The following LRP4 variants were observed in gnomAD, a reference collection of about 807,000 sequenced individuals.
LRP4 encodes the protein LDL receptor related protein 4.
LRP4 carries 95 observed loss-of-function variants against 220.3 expected under a neutral mutation model. The ratio of observed to expected loss-of-function variants is 0.43; its 90% CI spans 0.37 to 0.51. LRP4 has a LOEUF of 0.51. LRP4 is among the 20% of genes least tolerant of loss of function. LRP4 has a pLI of 0.00. For missense variants in LRP4, 1,925 were observed against 2,567.0 expected (o/e 0.75, Z 5.40); for synonymous variants, 903 against 954.6 (o/e 0.95, Z 1.00).
intron 37 of LRP4, among the ~76,000 whole-genome samples, chr11:46,859,824 A>G (rs904060007): frequency 2.0e-5 from 3 of 152,226 alleles, no homozygotes; most frequent in Admixed American, 2.0e-4. Context: ...AATTGGCAAG[A>G]GCAATTAAAT....
rs370413044 is a variant in LRP4, at chr11:46,868,165, A to T, written c.4952-51T>A. 266 of 1,610,778 alleles carry T rather than the reference A, an allele frequency of 1.7e-4. No homozygotes were observed. In the African/African-American group the frequency reaches 2.8e-3, roughly 17 times the overall value. On this transcript the variant is annotated intron_variant, in intron 33 of 37. Coordinates refer to ENST00000378623, the MANE Select transcript of LRP4 (RefSeq NM_002334.4). ...GGCCACTGGAACCATAAACATCTACATATGGCCCAAGAGTAGCAGCTGGAG... is the reference window on the plus strand; with the variant it reads ...GGCCACTGGAACCATAAACATCTACTTATGGCCCAAGAGTAGCAGCTGGAG...
At chr11:46,884,083 G>A in intron 18 of LRP4, 107 bp from the exon 19 acceptor site, 1 of 825,554 alleles carries the variant, frequency 1.2e-6, no homozygotes, top group Non-Finnish European at 2.1e-6. Flanking sequence ...ACAGAGTAGG[G>A]GCTCAAAAGA....
intron 34 of LRP4, among the ~76,000 whole-genome samples, chr11:46,867,535 C>T (rs1940736818): frequency 1.3e-5 from 2 of 152,186 alleles, no homozygotes; most frequent in African/African-American, 4.8e-5. Context: ...GATCTCGGCT[C>T]ACCGCAACCT....
Position 46,858,688 on chromosome 11 carries a change from T to A in LRP4, c.*295A>T. 1 of 436,036 alleles carries A rather than the reference T, an allele frequency of 2.3e-6. No individual in the cohort carries two copies. Among genetic ancestry groups the A allele is most frequent in the South Asian group, 2.1e-5 (1 of 48,536 alleles). The allele number at this position is 436,036 out of a possible 1,614,324, so 27.0% of individuals were successfully genotyped here. A position where few individuals can be genotyped will look rare whatever the true frequency, so the allele number is the denominator to read the frequency against. On this transcript the variant is annotated 3_prime_UTR_variant, in exon 38 of 38. Transcript: ENST00000378623. ...ACTGGGGAAAGGGGAGGTGGAGCTCTACGCTGGTGAGGAATCACGAATAAG... is the reference window on the plus strand; with the variant it reads ...ACTGGGGAAAGGGGAGGTGGAGCTCAACGCTGGTGAGGAATCACGAATAAG...
rs183371999 is a variant in LRP4 at position 46,912,262 on chromosome 11, C to T, written c.52+6066G>A. Among the ~76,000 whole-genome samples the T allele has an allele frequency of 6.6e-5, 10 of 152,306 alleles. 1 individual carries two copies. The East Asian group carries it at 1.9e-3, about 29-fold the overall frequency. The stretch of plus-strand genomic sequence containing the variant: ...ACAGTACCAGGGACACAGCAAAGCT[C>T]TCAAAAATGCTAACTGCTCCAGAAA... On this transcript the variant is annotated intron_variant, in intron 1 of 37. Transcript: ENST00000378623.
At chr11:46,892,569 CT>C (rs11292441) in intron 13 of LRP4, among the ~76,000 whole-genome samples, 85,219 of 123,628 alleles carry the variant, frequency 0.69, 29,434 homozygotes, top group Middle Eastern at 0.78. Flanking sequence ...TAACATCATA[CT>C]TTTTTTTTTT....
chr11:46,908,166 A>G (rs1258799739), intron 1 of LRP4, among the ~76,000 whole-genome samples: 2 of 152,038 alleles, frequency 1.3e-5, no homozygotes, highest in Non-Finnish European at 2.9e-5. Context: ...TCCTGACCTC[A>G]TGATCCGCCC....
At position 46,890,543 on chromosome 11, in the gene LRP4, G is replaced by C; in HGVS notation, c.1698-49C>G. On this transcript the variant is annotated intron_variant, in intron 13 of 37. Coordinates refer to ENST00000378623, the MANE Select transcript of LRP4 (RefSeq NM_002334.4). The surrounding 1 kb of genome is among the most constrained non-coding windows in gnomAD (Gnocchi z 5.3). ...GAAGTGGGCAGCAGAAAACAGGTAG[G>C]TAACCAGGAGAATAATCAGGTAGGG... 1 of 1,298,908 alleles carries C rather than the reference G, an allele frequency of 7.7e-7. No homozygotes were observed. Among genetic ancestry groups the C allele is most frequent in the Non-Finnish European group, 1.1e-6 (1 of 901,726 alleles). The allele number at this position is 1,298,908 out of a possible 1,614,324, so 80.5% of individuals were successfully genotyped here.
chr11:46,895,127 G>T lies in LRP4; in HGVS notation c.1309+39C>A, dbSNP rs374311207. Reference sequence around the variant, plus strand: ...GAGTACCTGGCCTTCCTCCATGCTCGGCCCTCTGCCCACCCAGCCAAGTGC... The same window carrying T: ...GAGTACCTGGCCTTCCTCCATGCTCTGCCCTCTGCCCACCCAGCCAAGTGC... On this transcript the variant is annotated intron_variant, in intron 11 of 37. Transcript: ENST00000378623. 3 of 1,612,068 alleles carry T rather than the reference G, an allele frequency of 1.9e-6. No individual in the cohort carries two copies. The African/African-American group carries it at 4.0e-5, about 22-fold the overall frequency.
At chr11:46,897,344 T>C (rs1941555626) in intron 7 of LRP4, among the ~76,000 whole-genome samples, 1 of 142,900 alleles carries the variant, frequency 7.0e-6, no homozygotes, top group Non-Finnish European at 1.5e-5. Context: ...CTTTTTTTTT[T>C]TTTCTTTTTA....
At position 46,893,101 on chromosome 11, in the gene LRP4, G is replaced by A. The variant is rs956627352; in HGVS notation, c.1569C>T (p.Asp523=). ...TGCCTGAGTCGGTCCAGTAGAGTTT[G>A]TCATGGACCCAATCCACAGCCAGGC... The part of the protein sequence containing the change: ...PGGLAVDWVH[D]KLYWTDSGTS... Residue 523 remains aspartate, a synonymous_variant, in exon 13 of 38, where the codon GAC becomes GAT. Transcript: ENST00000378623. The A allele has an allele frequency of 6.2e-7, 1 of 1,614,102 alleles. No homozygotes were observed. Among genetic ancestry groups the A allele is most frequent in the African/African-American group, 1.3e-5 (1 of 74,930 alleles).
chr11:46,876,878 G>A, intron 23 of LRP4, 48 bp from the exon 24 acceptor site: 1 of 1,374,870 alleles, frequency 7.3e-7, no homozygotes, highest in Non-Finnish European at 1.0e-6. Flanking sequence ...CGCCTACAAT[G>A]GGACACACAC....
At chr11:46,904,476 A>AATGAATGG (rs1941725037) in intron 1 of LRP4, among the ~76,000 whole-genome samples, 1 of 55,434 alleles carries the variant, frequency 1.8e-5, no homozygotes, top group African/African-American at 1.1e-4. Context: ...CCTAGCCTGC[A>AATGAATGG]ATGCATGGAT....
chr11:46,895,479 G>C (rs1941507800), intron 10 of LRP4, among the ~76,000 whole-genome samples, 188 bp from the exon 11 acceptor site: 1 of 152,158 alleles, frequency 6.6e-6, no homozygotes, highest in Non-Finnish European at 1.5e-5. Flanking sequence ...TACTCAAGAG[G>C]CTGAGGCAGG....
chr11:46,874,995 C>T lies in LRP4; in HGVS notation c.4034G>A (p.Gly1345Glu), dbSNP rs561064187. ...CTCAGGAGAGGGATCACAGGTCTTC[C>T]CATCTCCCTTCAGCTGGATGCCAGT... ...CPTGIQLKGD[G>E]KTCDPSPETY... The change falls in exon 28 of 38, where the codon GGG becomes GAG. Residue 1345 changes from glycine to glutamate, a missense_variant. Gly to Glu is a moderately conservative substitution (Grantham distance 98). Coordinates refer to ENST00000378623, the MANE Select transcript of LRP4 (RefSeq NM_002334.4). 8 of 1,614,186 alleles carry T rather than the reference C, an allele frequency of 5.0e-6. No individual in the cohort carries two copies. The South Asian group carries it at 8.8e-5, about 18-fold the overall frequency.
chr11:46,905,771 G>A (rs1215899353), intron 1 of LRP4, among the ~76,000 whole-genome samples: 4 of 151,110 alleles, frequency 2.6e-5, no homozygotes, highest in Non-Finnish European at 5.9e-5. Flanking sequence ...AGAATTGCTT[G>A]AACCCAGGAG....
chr11:46,867,741 G>A (rs948354604), intron 34 of LRP4, among the ~76,000 whole-genome samples: 4 of 152,210 alleles, frequency 2.6e-5, no homozygotes, highest in African/African-American at 9.6e-5. Context: ...GATTACAGGC[G>A]TGAGCCACCA....
intron 37 of LRP4, 150 bp downstream of exon 37, chr11:46,862,456 A>G: frequency 1.2e-6 from 1 of 862,290 alleles, no homozygotes; most frequent in Non-Finnish European, 1.9e-6. Flanking sequence ...CCAGAAACCC[A>G]AATTACATTC....
chr11:46,895,862 T>C, intron 10 of LRP4, 22 bp downstream of exon 10: 6 of 1,610,116 alleles, frequency 3.7e-6, no homozygotes, highest in African/African-American at 1.3e-5. Flanking sequence ...CCGACTCTGC[T>C]GCAAACCAGG....
Sources: allele counts gnomAD v4.1 joint callset (sites outside exome capture counted in the v4.1 genomes callset), GRCh38; gene constraint gnomAD v4.1.1; non-coding constraint Gnocchi (gnomAD v3.1); transcripts MANE v1.5; gene names NCBI Gene and HGNC (gene_info 2026-07-23, HGNC 2026-07-21).